TLK2: variants seen among roughly 807,000 people sequenced by gnomAD.
TLK2 encodes tousled like kinase 2.
Under a neutral mutation model 117.3 loss-of-function variants are expected in TLK2, and 6 were observed. The ratio of observed to expected loss-of-function variants is 0.05; its 90% CI spans 0.03 to 0.10. The LOEUF (loss-of-function observed/expected upper bound fraction) is 0.10. TLK2 is among the 10% of genes least tolerant of loss of function. TLK2 has a pLI of 1.00. For missense variants in TLK2, 299 were observed against 901.2 expected, an observed-to-expected ratio of 0.33 and a Z score of 8.56; for synonymous variants, 257 against 316.7, an observed-to-expected ratio of 0.81 and a Z score of 2.00.
chr17:62,555,037 C>A (rs1380963912), intron 9 of TLK2, among the ~76,000 whole-genome samples: 1 of 151,484 alleles, frequency 6.6e-6, no homozygotes, highest in Non-Finnish European at 1.5e-5. Context: ...CACACACACA[C>A]AAATGAATAT....
At chr17:62,563,522 G>C (rs2079470322) in intron 10 of TLK2, among the ~76,000 whole-genome samples, 1 of 152,164 alleles carries the variant, frequency 6.6e-6, no homozygotes, top group Non-Finnish European at 1.5e-5. Flanking sequence ...ATAAAGAAGA[G>C]GAAAAATGTG....
chr17:62,551,416 T>G (rs1025479894), intron 7 of TLK2, among the ~76,000 whole-genome samples: 1 of 152,138 alleles, frequency 6.6e-6, no homozygotes, highest in African/African-American at 2.4e-5. Flanking sequence ...TTTTAAAAAG[T>G]ACTGTTAGGC....
chr17:62,559,489 C>T (rs369473618), intron 9 of TLK2, among the ~76,000 whole-genome samples: 6 of 151,488 alleles, frequency 4.0e-5, no homozygotes, highest in Admixed American at 1.3e-4. Flanking sequence ...GCGATTCTCC[C>T]GCCTCAGCCT....
chr17:62,560,692 C>T, intron 10 of TLK2, among the ~76,000 whole-genome samples: 1 of 145,498 alleles, frequency 6.9e-6, no homozygotes, highest in African/African-American at 2.5e-5. Flanking sequence ...GGCTGAGTCT[C>T]ATCCAGGCTG....
Position 62,536,363 on chromosome 17 carries a change from A to G in TLK2, c.531+26A>G, listed in dbSNP as rs376812333. On this transcript the variant is annotated intron_variant, in intron 7 of 21. Coordinates refer to ENST00000346027, the MANE Select transcript of TLK2 (RefSeq NM_006852.6). ...GTGAGTACAAAGCCTAAGTTAATTC[A>G]TATCCTTTCCATTGCCCTAGTGCTC... The G allele has an allele frequency of 6.3e-6, 10 of 1,594,784 alleles. No individual in the cohort carries two copies. The African/African-American group carries it at 1.2e-4, about 19-fold the overall frequency.
chr17:62,574,212 G>A (rs1201384747), intron 12 of TLK2: 11 of 1,371,088 alleles, frequency 8.0e-6, no homozygotes, highest in Non-Finnish European at 1.1e-5. Context: ...CATCCTAGAA[G>A]TGCATCTTCT....
At chr17:62,583,338 G>A (rs147788322) in intron 15 of TLK2, among the ~76,000 whole-genome samples, 1 of 151,886 alleles carries the variant, frequency 6.6e-6, no homozygotes, top group South Asian at 2.1e-4. Flanking sequence ...CAAATGATCC[G>A]CCCATCTCTG....
chr17:62,588,929 A>G (rs1567979351), intron 16 of TLK2, among the ~76,000 whole-genome samples: 1 of 152,232 alleles, frequency 6.6e-6, no homozygotes, highest in Non-Finnish European at 1.5e-5. Context: ...GACATTATAA[A>G]ATATGAAAAT....
chr17:62,547,336 A>ATTTTTTTTTTTTTT (rs200732176), intron 7 of TLK2, among the ~76,000 whole-genome samples: 1 of 137,684 alleles, frequency 7.3e-6, no homozygotes. Flanking sequence ...GTTGGCATGG[A>ATTTTTTTTTTTTTT]TTTTTTTTTT....
At chr17:62,543,458 C>T (rs758101931) in intron 7 of TLK2, among the ~76,000 whole-genome samples, 1 of 152,218 alleles carries the variant, frequency 6.6e-6, no homozygotes, top group South Asian at 2.1e-4. Context: ...ACATTCCCCG[C>T]AGCAGTACAT....
At chr17:62,588,060 GTA>G (rs2081774987) in intron 16 of TLK2, among the ~76,000 whole-genome samples, 2 of 127,050 alleles carry the variant, frequency 1.6e-5, no homozygotes, top group Non-Finnish European at 3.3e-5. Flanking sequence ...TAAAATATAC[GTA>G]TACATCTGTA....
chr17:62,509,555 T>C (rs1450499697), intron 2 of TLK2, among the ~76,000 whole-genome samples: 1 of 152,262 alleles, frequency 6.6e-6, no homozygotes, highest in African/African-American at 2.4e-5. Context: ...TCCTTTGTTT[T>C]GTTTCAAGTA....
chr17:62,481,040 T>A, intron 1 of TLK2, 81 bp from the exon 2 acceptor site: 1 of 1,293,332 alleles, frequency 7.7e-7, no homozygotes, highest in Non-Finnish European at 1.1e-6. Context: ...GTGAAATAAT[T>A]ACTGTGAGTT....
At position 62,563,471 on chromosome 17, in the gene TLK2, A is replaced by C. The variant is rs1017373075; in HGVS notation, c.832-1530A>C. Reference sequence around the variant, plus strand: ...AAATAAAAAAAAAGAAAATAAATTCACTAAAATAAATCAAGGGCAGGGGAC... The same window carrying C: ...AAATAAAAAAAAAGAAAATAAATTCCCTAAAATAAATCAAGGGCAGGGGAC... On this transcript the variant is annotated intron_variant, in intron 10 of 21. Coordinates refer to ENST00000346027, the MANE Select transcript of TLK2 (RefSeq NM_006852.6). Among the ~76,000 whole-genome samples, 3 of 152,110 alleles carry C rather than the reference A, an allele frequency of 2.0e-5. No individual in the cohort carries two copies. In the South Asian group the frequency reaches 6.2e-4, roughly 32 times the overall value.
chr17:62,609,554 C>T (rs1483572587), intron 21 of TLK2, among the ~76,000 whole-genome samples: 1 of 152,190 alleles, frequency 6.6e-6, no homozygotes, highest in Non-Finnish European at 1.5e-5. Flanking sequence ...TGATGGCTCC[C>T]TGTCCCCATT....
At chr17:62,529,603 T>G (rs1334219804) in intron 6 of TLK2, among the ~76,000 whole-genome samples, 1 of 152,240 alleles carries the variant, frequency 6.6e-6, no homozygotes, top group Non-Finnish European at 1.5e-5. Flanking sequence ...GTATAACTAT[T>G]TCCATTCTTA....
intron 11 of TLK2, among the ~76,000 whole-genome samples, chr17:62,571,423 CT>C (rs550538770): frequency 5.4e-5 from 8 of 148,904 alleles, no homozygotes; most frequent in South Asian, 2.1e-4. Context: ...ATGCAGCCAT[CT>C]TTTTTTTTTC....
intron 2 of TLK2, chr17:62,516,688 A>G (rs540287447): frequency 1.2e-6 from 2 of 1,608,792 alleles, no homozygotes; most frequent in East Asian, 2.2e-5. Context: ...AGGCATGTGG[A>G]CATCCTTCTT....
intron 2 of TLK2, among the ~76,000 whole-genome samples, chr17:62,512,861 AATTATTATTATT>A (rs35048188): frequency 2.8e-4 from 39 of 141,158 alleles, no homozygotes; most frequent in African/African-American, 6.7e-4. Flanking sequence ...AAAATTTATT[AATTATTATTATT>A]ATTATTATTA....
Sources: gnomAD v4.1 joint callset for allele counts (sites outside exome capture counted in the v4.1 genomes callset) on GRCh38, gnomAD v4.1.1 for gene constraint, MANE v1.5 for transcripts, NCBI Gene and HGNC (gene_info 2026-07-23, HGNC 2026-07-21) for gene names.